The following KLHL32 variants were observed in gnomAD, a reference collection of about 807,000 sequenced individuals.
The protein encoded by KLHL32 is kelch-like protein 32.
Under a neutral mutation model 64.8 loss-of-function variants are expected in KLHL32, and 35 were observed. That is an observed-to-expected ratio of 0.54 (90% CI 0.41 to 0.72). The LOEUF is 0.72. KLHL32 is among the 30% of genes least tolerant of loss of function. The pLI is 0.00. For synonymous variants in KLHL32, 259 were observed against 281.0 expected (o/e 0.92, Z 0.78); for missense variants, 589 against 768.5 (o/e 0.77, Z 2.76).
chr6:97,114,717 T>C, intron 7 of KLHL32: 1 of 632,010 alleles, frequency 1.6e-6, no homozygotes, highest in East Asian at 2.8e-5. Flanking sequence ...TCTGAGTGAC[T>C]AATGGAATAA....
At chr6:97,117,901 A>C (rs1035626890) in intron 7 of KLHL32, among the ~76,000 whole-genome samples, 18 of 152,218 alleles carry the variant, frequency 1.2e-4, no homozygotes, top group African/African-American at 4.1e-4. Flanking sequence ...TAGTGCTTTA[A>C]AACTATAAAA....
intron 3 of KLHL32, among the ~76,000 whole-genome samples, chr6:96,993,598 TTTGTTGCCA>T (rs770405493): frequency 6.6e-5 from 10 of 152,152 alleles, no homozygotes; most frequent in Admixed American, 1.3e-4. Flanking sequence ...AGGGGAACAT[TTTGTTGCCA>T]TTGTTGCACC....
intron 2 of KLHL32, 33 bp from the exon 3 acceptor site, chr6:96,975,964 G>C (rs1446449132): frequency 6.7e-7 from 1 of 1,489,952 alleles, no homozygotes; most frequent in East Asian, 2.4e-5. Flanking sequence ...CTGGGAAAAG[G>C]AAAAATGTTG....
At chr6:96,942,165 CTGTT>C (rs1335998638) in intron 1 of KLHL32, among the ~76,000 whole-genome samples, 1 of 152,210 alleles carries the variant, frequency 6.6e-6, no homozygotes, top group African/African-American at 2.4e-5. Context: ...CCCACAGTCA[CTGTT>C]TGTTAGCTTA....
intron 6 of KLHL32, among the ~76,000 whole-genome samples, chr6:97,104,475 G>A (rs1197156307): frequency 6.6e-6 from 1 of 152,128 alleles, no homozygotes; most frequent in Admixed American, 6.5e-5. Context: ...ATTTCCCAAA[G>A]TTTTAAAGGA....
At chr6:96,976,629 G>T (rs1342258299) in intron 3 of KLHL32, among the ~76,000 whole-genome samples, 1 of 151,974 alleles carries the variant, frequency 6.6e-6, no homozygotes, top group South Asian at 2.1e-4. Context: ...ACAAAGTCTC[G>T]CTCTTTCACC....
At chr6:97,019,516 G>A (rs1430785194) in intron 3 of KLHL32, among the ~76,000 whole-genome samples, 1 of 152,208 alleles carries the variant, frequency 6.6e-6, no homozygotes, top group Admixed American at 6.5e-5. Flanking sequence ...GGGACTTCGG[G>A]TGAAGCACTC....
rs138677469 is a variant in KLHL32, at chr6:97,118,388, G to T, written c.1354+3879G>T. On this transcript the variant is annotated intron_variant, in intron 7 of 10. Transcript: ENST00000369261. ...AATCCCAGCACTTTGGGAGGCCGAG[G>T]CGGGCGGATCGCCTGAGATTAGGAG... Among the ~76,000 whole-genome samples, 1,198 of 152,274 alleles carry T rather than the reference G, an allele frequency of 7.9e-3. 16 individuals carry two copies. The highest frequency in any genetic ancestry group is 0.028 in the African/African-American group (1,154 of 41,564).
At chr6:97,124,439 A>G (rs758414985) in intron 7 of KLHL32, among the ~76,000 whole-genome samples, 1 of 152,212 alleles carries the variant, frequency 6.6e-6, no homozygotes, top group Non-Finnish European at 1.5e-5. Context: ...CATTTGTGGA[A>G]GACAGTAAAT....
intron 3 of KLHL32, among the ~76,000 whole-genome samples, chr6:97,036,140 T>A (rs997849515): frequency 8.5e-5 from 13 of 152,178 alleles, no homozygotes; most frequent in Non-Finnish European, 1.6e-4. Context: ...CGCATTTTTT[T>A]ATTTCATTTA....
At chr6:97,077,795 TC>T (rs1791838553) in intron 5 of KLHL32, among the ~76,000 whole-genome samples, 2 of 152,260 alleles carry the variant, frequency 1.3e-5, no homozygotes, top group Admixed American at 6.5e-5. Context: ...TGCTTTTTTT[TC>T]ATTCTTGATC....
intron 4 of KLHL32, among the ~76,000 whole-genome samples, chr6:97,049,314 G>A (rs1243020653): frequency 6.6e-6 from 1 of 152,164 alleles, no homozygotes; most frequent in East Asian, 1.9e-4. Flanking sequence ...CACAAGCACT[G>A]AGATACTGCC....
intron 9 of KLHL32, 35 bp from the exon 10 acceptor site, chr6:97,132,617 AT>A (rs373674040): frequency 6.8e-6 from 10 of 1,480,288 alleles, no homozygotes; most frequent in South Asian, 1.2e-5. Flanking sequence ...TAAGAAATGG[AT>A]TTTTTTTCTT....
intron 3 of KLHL32, chr6:96,999,409 A>G: frequency 6.0e-6 from 2 of 331,932 alleles, no homozygotes; most frequent in Non-Finnish European, 8.6e-6. Flanking sequence ...AACAACAACA[A>G]CAAAGAGTTA....
At chr6:97,042,392 C>T (rs1785258617) in intron 4 of KLHL32, among the ~76,000 whole-genome samples, 1 of 152,132 alleles carries the variant, frequency 6.6e-6, no homozygotes, top group Non-Finnish European at 1.5e-5. Flanking sequence ...TGCATGTGGT[C>T]AGGTGTGGCT....
intron 1 of KLHL32, among the ~76,000 whole-genome samples, chr6:96,926,465 C>A (rs34721198): frequency 0.13 from 19,647 of 152,056 alleles, 1,526 homozygotes; most frequent in East Asian, 0.26. Context: ...TCACAACAAC[C>A]CTTTGAGGCC....
At chr6:97,125,715 G>A (rs1798796483) in intron 7 of KLHL32, among the ~76,000 whole-genome samples, 1 of 152,152 alleles carries the variant, frequency 6.6e-6, no homozygotes, top group South Asian at 2.1e-4. Flanking sequence ...GACTGAGGTT[G>A]CAGTGAGCCG....
chr6:96,999,703 T>G (rs1432390568), intron 3 of KLHL32, among the ~76,000 whole-genome samples: 2 of 152,238 alleles, frequency 1.3e-5, no homozygotes, highest in Non-Finnish European at 2.9e-5. Flanking sequence ...CTAGTTAGTA[T>G]TAATATTTTA....
At chr6:97,012,351 A>C (rs1780523431) in intron 3 of KLHL32, among the ~76,000 whole-genome samples, 1 of 152,348 alleles carries the variant, frequency 6.6e-6, no homozygotes, top group Non-Finnish European at 1.5e-5. Context: ...GAGTCAGGAC[A>C]GAAGCAGAGG....
Sources: gnomAD v4.1 joint callset for allele counts (sites outside exome capture counted in the v4.1 genomes callset) on GRCh38, gnomAD v4.1.1 for gene constraint, MANE v1.5 for transcripts, NCBI Gene and HGNC (gene_info 2026-07-23, HGNC 2026-07-21) for gene names.